PRKN: variants seen among roughly 807,000 people sequenced by gnomAD.
The protein encoded by PRKN is E3 ubiquitin-protein ligase parkin.
In PRKN, 56 loss-of-function variants were observed where a neutral mutation model predicts 59.5. The observed-to-expected ratio is 0.94, with a 90% CI of 0.76 to 1.18. The LOEUF (loss-of-function observed/expected upper bound fraction) is 1.18, where lower values mean the gene tolerates loss of function less well. Ranked by LOEUF, PRKN falls within the 50% of genes most tolerant of loss-of-function variation. The pLI, the probability that PRKN is intolerant of heterozygous loss-of-function variation, is 0.00. For missense variants in PRKN, 657 were observed against 596.4 expected (o/e 1.10, Z -1.06); for synonymous variants, 250 against 222.1 (o/e 1.13, Z -1.12).
At chr6:162,311,148 G>C (rs1398816938) in intron 2 of PRKN, among the ~76,000 whole-genome samples, 2 of 152,174 alleles carry the variant, frequency 1.3e-5, no homozygotes, top group African/African-American at 4.8e-5. Context: ...TCCTGTAACA[G>C]TTGAAGTTTT....
At position 161,573,757 on chromosome 6, in the gene PRKN, TATATATATATATATATATA is replaced by T. The variant is rs1402345217; in HGVS notation, c.872-4360_872-4342del. Among the ~76,000 whole-genome samples, 59 of 44,940 alleles carry T rather than the reference TATATATATATATATATATA, an allele frequency of 1.3e-3. 3 individuals carry two copies. Among genetic ancestry groups the T allele is most frequent in the Admixed American group, 1.7e-3 (6 of 3,528 alleles). 29.5% of individuals were successfully genotyped at this position (44,940 alleles called of 152,430 possible). ...AAAAAAAAAAAAAAAAAAAAAAAAA[TATATATATATATATATATA>T]TATATATATATATATATATAAAACT... On this transcript the variant is annotated intron_variant, in intron 7 of 11. Transcript: ENST00000366898.
intron 1 of PRKN, among the ~76,000 whole-genome samples, chr6:162,444,203 C>T: frequency 6.6e-6 from 1 of 152,044 alleles, no homozygotes; most frequent in East Asian, 1.9e-4. Flanking sequence ...ACTTTCCATT[C>T]TTTCTCTCAC....
intron 1 of PRKN, among the ~76,000 whole-genome samples, chr6:162,522,951 T>C (rs951815530): frequency 5.3e-5 from 8 of 152,198 alleles, no homozygotes; most frequent in Non-Finnish European, 1.0e-4. Flanking sequence ...AATCAACTCT[T>C]GCTCCTCAAA....
At chr6:161,796,523 AAAAAG>A (rs1024968149) in intron 6 of PRKN, among the ~76,000 whole-genome samples, 5 of 152,204 alleles carry the variant, frequency 3.3e-5, no homozygotes, top group African/African-American at 1.2e-4. Flanking sequence ...TGTTGCGTGT[AAAAAG>A]AAAAGAAAAG....
intron 6 of PRKN, among the ~76,000 whole-genome samples, chr6:161,808,504 GA>G (rs1791428557): frequency 6.6e-6 from 1 of 152,144 alleles, no homozygotes; most frequent in African/African-American, 2.4e-5. Flanking sequence ...GAAAGACACA[GA>G]AAAGGAGATA....
At chr6:162,042,845 T>C (rs909883734) in intron 5 of PRKN, among the ~76,000 whole-genome samples, 7 of 152,208 alleles carry the variant, frequency 4.6e-5, no homozygotes, top group African/African-American at 1.7e-4. Flanking sequence ...AATAAAATGG[T>C]AGAAGCACAT....
chr6:161,745,711 G>C (rs898854245), intron 7 of PRKN, among the ~76,000 whole-genome samples: 1 of 152,202 alleles, frequency 6.6e-6, no homozygotes, highest in Non-Finnish European at 1.5e-5. Context: ...GAGACCCTGG[G>C]AAGGCAGACG....
chr6:161,886,451 C>T (rs576910520), intron 6 of PRKN, among the ~76,000 whole-genome samples: 1 of 152,242 alleles, frequency 6.6e-6, no homozygotes, highest in Admixed American at 6.5e-5. Flanking sequence ...AATCCCAGCA[C>T]TATAGGAGGC....
rs1276547193 is a variant in PRKN, at chr6:161,373,761, C to G, written c.1167+13033G>C. On this transcript the variant is annotated intron_variant, in intron 10 of 11. Transcript: ENST00000366898. The surrounding 1 kb of genome is among the most constrained non-coding windows in gnomAD (Gnocchi z 4.8). ...AACCGTTTTCCTCACACATGGTCAA[C>G]ATGCTTTTCTGTGGAGTGACAATAT... Among the ~76,000 whole-genome samples the G allele has an allele frequency of 2.0e-5, 3 of 152,156 alleles. No homozygotes were observed. The highest frequency in any genetic ancestry group is 7.2e-5 in the African/African-American group (3 of 41,426).
chr6:161,835,634 G>T, intron 6 of PRKN, among the ~76,000 whole-genome samples: 1 of 152,204 alleles, frequency 6.6e-6, no homozygotes, highest in East Asian at 1.9e-4. Flanking sequence ...AGGCGGCACC[G>T]GCTTATCCAC....
At chr6:162,095,318 G>A (rs1041315130) in intron 4 of PRKN, among the ~76,000 whole-genome samples, 2 of 152,178 alleles carry the variant, frequency 1.3e-5, no homozygotes, top group Non-Finnish European at 2.9e-5. Flanking sequence ...TGAGCAGATT[G>A]TGGAACTCTG....
At chr6:161,977,541 GGTTTTTTTTTTT>G (rs1377165925) in intron 5 of PRKN, among the ~76,000 whole-genome samples, 1 of 98,714 alleles carries the variant, frequency 1.0e-5, no homozygotes, top group African/African-American at 4.6e-5. Flanking sequence ...CTGTTTTTTT[GGTTTTTTTTTTT>G]TTTTTTTTTT....
At chr6:161,600,472 T>TA (rs560218039) in intron 7 of PRKN, among the ~76,000 whole-genome samples, 97 of 152,350 alleles carry the variant, frequency 6.4e-4, no homozygotes, top group Non-Finnish European at 1.1e-3. Context: ...AATAATTAGA[T>TA]ACTTTAGGTA....
intron 5 of PRKN, among the ~76,000 whole-genome samples, chr6:162,020,193 G>T (rs933692012): frequency 1.3e-5 from 2 of 151,916 alleles, no homozygotes; most frequent in Admixed American, 1.3e-4. Context: ...CAGGCTTAGA[G>T]AGCTCATTAG....
At chr6:162,026,725 G>C (rs1261412259) in intron 5 of PRKN, among the ~76,000 whole-genome samples, 1 of 152,042 alleles carries the variant, frequency 6.6e-6, no homozygotes, top group Non-Finnish European at 1.5e-5. Context: ...GGCTTGAAAC[G>C]TAATTGTGCT....
chr6:161,478,119 A>C (rs946680804), intron 9 of PRKN, among the ~76,000 whole-genome samples: 1 of 152,178 alleles, frequency 6.6e-6, no homozygotes, highest in Admixed American at 6.5e-5. Context: ...GGCCTGGTTG[A>C]TTTACTCATA....
At chr6:162,382,524 T>G (rs1461343696) in intron 2 of PRKN, among the ~76,000 whole-genome samples, 1 of 152,234 alleles carries the variant, frequency 6.6e-6, no homozygotes, top group Non-Finnish European at 1.5e-5. Context: ...AAACTTTAAT[T>G]TAAAAATACG....
intron 2 of PRKN, among the ~76,000 whole-genome samples, chr6:162,341,106 T>C (rs761920672): frequency 1.3e-5 from 2 of 152,010 alleles, no homozygotes; most frequent in Non-Finnish European, 2.9e-5. Context: ...GCAAAGGATA[T>C]GAACAGACAC....
At chr6:162,346,600 G>A (rs916495033) in intron 2 of PRKN, among the ~76,000 whole-genome samples, 4 of 151,996 alleles carry the variant, frequency 2.6e-5, no homozygotes, top group African/African-American at 9.7e-5. Flanking sequence ...TAGCCTGGGT[G>A]ACAGAGTGAG....
Sources: allele counts gnomAD v4.1 joint callset (sites outside exome capture counted in the v4.1 genomes callset), GRCh38; gene constraint gnomAD v4.1.1; non-coding constraint Gnocchi (gnomAD v3.1); transcripts MANE v1.5; gene names NCBI Gene and HGNC (gene_info 2026-07-23, HGNC 2026-07-21).